The following SERINC5 variants were observed in gnomAD, a reference collection of about 807,000 sequenced individuals.
SERINC5 encodes serine incorporator 5, also known as chromosome 5 open reading frame 12.
In SERINC5, 41 loss-of-function variants were observed where a neutral mutation model predicts 63.1. The observed-to-expected ratio is 0.65, with a 90% CI of 0.51 to 0.84. The LOEUF (loss-of-function observed/expected upper bound fraction) is 0.84. SERINC5 is among the 40% of genes least tolerant of loss of function. The pLI, the probability that SERINC5 is intolerant of heterozygous loss-of-function variation, is 0.00. For synonymous variants in SERINC5, 222 were observed against 215.2 expected, an observed-to-expected ratio of 1.03 and a Z score of -0.28; for missense variants, 523 against 573.0, an observed-to-expected ratio of 0.91 and a Z score of 0.89.
Position 80,141,935 on chromosome 5 carries a change from C to T in SERINC5, c.*1728G>A, listed in dbSNP as rs1745533671. Reference sequence around the variant, plus strand: ...AATTCATCCCCTGTAATTTGTTTCCCCATGGGTTTTCTTGGGAGAAGGGCA... The same window carrying T: ...AATTCATCCCCTGTAATTTGTTTCCTCATGGGTTTTCTTGGGAGAAGGGCA... On this transcript the variant is annotated 3_prime_UTR_variant, in exon 12 of 12. Coordinates refer to ENST00000507668, the MANE Select transcript of SERINC5 (RefSeq NM_001174072.3). 1.0e-6 allele frequency: 1 copy of T among 985,162 alleles called. No individual in the cohort carries two copies. Among genetic ancestry groups the T allele is most frequent in the Non-Finnish European group, 1.2e-6 (1 of 829,910 alleles). 61.0% of individuals were successfully genotyped at this position (985,162 alleles called of 1,614,324 possible). A position where few individuals can be genotyped will look rare whatever the true frequency, so the allele number is the denominator to read the frequency against.
intron 1 of SERINC5, among the ~76,000 whole-genome samples, chr5:80,211,853 T>G (rs776704054): frequency 1.3e-5 from 2 of 152,184 alleles, no homozygotes; most frequent in Non-Finnish European, 2.9e-5. Flanking sequence ...TCATTCCACT[T>G]AGGAATGAAA....
At chr5:80,203,923 C>G (rs143807765) in intron 1 of SERINC5, among the ~76,000 whole-genome samples, 1 of 152,252 alleles carries the variant, frequency 6.6e-6, no homozygotes, top group Non-Finnish European at 1.5e-5. Flanking sequence ...GAAGACTGAG[C>G]TAATTACCAA....
At chr5:80,236,511 AG>A (rs555903504) in intron 1 of SERINC5, among the ~76,000 whole-genome samples, 2 of 151,976 alleles carry the variant, frequency 1.3e-5, no homozygotes, top group Non-Finnish European at 2.9e-5. Context: ...TACTTCAAGT[AG>A]CTTAAGTCCT....
intron 1 of SERINC5, among the ~76,000 whole-genome samples, chr5:80,214,560 CA>C: frequency 7.2e-6 from 1 of 138,456 alleles, no homozygotes; most frequent in African/African-American, 2.9e-5. Flanking sequence ...ATTAAAAAAA[CA>C]AAAAAAAAAC....
chr5:80,139,611 A>AGAGAG lies in SERINC5; in HGVS notation c.*4051_*4052insCTCTC. 1 of 984,890 alleles carries AGAGAG rather than the reference A, an allele frequency of 1.0e-6. No individual in the cohort carries two copies. Among genetic ancestry groups the AGAGAG allele is most frequent in the Non-Finnish European group, 1.2e-6 (1 of 829,676 alleles). The allele number at this position is 984,890 out of a possible 1,614,324, so 61.0% of individuals were successfully genotyped here. ...GAAAGAAGAAAAGAGAGAGAGAGAGAAAGGTCTAAACATCTGTGTGAACAG... is the reference window on the plus strand; with the variant it reads ...GAAAGAAGAAAAGAGAGAGAGAGAGAGAGAGAAGGTCTAAACATCTGTGTGAACAG... On this transcript the variant is annotated 3_prime_UTR_variant, in exon 12 of 12. Transcript: ENST00000507668.
Position 80,139,980 on chromosome 5 carries a change from G to A in SERINC5, c.*3683C>T, listed in dbSNP as rs55740328. On this transcript the variant is annotated 3_prime_UTR_variant, in exon 12 of 12. Coordinates refer to ENST00000507668, the MANE Select transcript of SERINC5 (RefSeq NM_001174072.3). ...AAATACAGGCTCTGGAATTTCCTTC[G>A]CAGGAAGGTGAAGCACCAATGATGG... The A allele has an allele frequency of 0.14, 134,770 of 985,042 alleles. 9,390 individuals carry two copies. Among genetic ancestry groups the A allele is most frequent in the South Asian group, 0.2 (4,256 of 21,262 alleles). 61.0% of individuals were successfully genotyped at this position (985,042 alleles called of 1,614,324 possible). A position where few individuals can be genotyped will look rare whatever the true frequency, so the allele number is the denominator to read the frequency against.
chr5:80,212,412 A>AC (rs1241570956), intron 1 of SERINC5, among the ~76,000 whole-genome samples: 6 of 152,242 alleles, frequency 3.9e-5, no homozygotes, highest in Non-Finnish European at 5.9e-5. Flanking sequence ...CCTTTCAGTA[A>AC]TACATAATAC....
Position 80,115,256 on chromosome 5 carries a change from G to C in SERINC5, c.1239-1631C>G, listed in dbSNP as rs1322201957. Among the ~76,000 whole-genome samples the C allele has an allele frequency of 3.3e-5, 5 of 151,982 alleles. 1 individual carries two copies. In the East Asian group the frequency reaches 9.6e-4, roughly 29 times the overall value. ...CCATCACTGCTAGGGTGAAACTGGG[G>C]GCACACGGTATAGCTCAAATGCACC... On this transcript the variant is annotated intron_variant, in intron 11 of 12. Coordinates refer to the SERINC5 transcript ENST00000509193.
At chr5:80,121,191 A>G (rs889207338) in intron 11 of SERINC5, among the ~76,000 whole-genome samples, 2 of 152,158 alleles carry the variant, frequency 1.3e-5, no homozygotes, top group Non-Finnish European at 2.9e-5. Context: ...CCAGCCAAGA[A>G]AGGAGTTTGT....
chr5:80,215,297 G>C (rs1561432616), intron 1 of SERINC5, among the ~76,000 whole-genome samples: 1 of 152,110 alleles, frequency 6.6e-6, no homozygotes, highest in Admixed American at 6.6e-5. Context: ...TCCTGCTCCT[G>C]CCATGTAAGA....
chr5:80,136,748 A>T (rs1306656989), downstream of SERINC5, among the ~76,000 whole-genome samples: 1 of 152,210 alleles, frequency 6.6e-6, no homozygotes, highest in African/African-American at 2.4e-5. Flanking sequence ...AAAACTGCTC[A>T]ATAGCAAGAA....
chr5:80,173,582 C>A (rs1292219718), intron 5 of SERINC5, among the ~76,000 whole-genome samples: 1 of 151,778 alleles, frequency 6.6e-6, no homozygotes, highest in South Asian at 2.1e-4. Context: ...GGCGACAGAA[C>A]GAGACTCTGT....
intron 2 of SERINC5, among the ~76,000 whole-genome samples, chr5:80,202,440 A>T (rs1014661872): frequency 1.3e-5 from 2 of 152,108 alleles, no homozygotes; most frequent in Non-Finnish European, 2.9e-5. Context: ...ATGATAGACA[A>T]TGGAGACTCA....
In SERINC5 at chr5:80,141,920, C is replaced by T. The variant is rs536026088; in HGVS notation, c.*1743G>A. The T allele has an allele frequency of 1.0e-6, 1 of 985,318 alleles. No homozygotes were observed. Among genetic ancestry groups the T allele is most frequent in the East Asian group, 1.1e-4 (1 of 8,800 alleles). The allele number at this position is 985,318 out of a possible 1,614,324, so 61.0% of individuals were successfully genotyped here. A position where few individuals can be genotyped will look rare whatever the true frequency, so the allele number is the denominator to read the frequency against. Reference sequence around the variant, plus strand: ...GGAAAGTTCTAAAGGAATTCATCCCCTGTAATTTGTTTCCCCATGGGTTTT... The same window carrying T: ...GGAAAGTTCTAAAGGAATTCATCCCTTGTAATTTGTTTCCCCATGGGTTTT... On this transcript the variant is annotated 3_prime_UTR_variant, in exon 12 of 12. Coordinates refer to ENST00000507668, the MANE Select transcript of SERINC5 (RefSeq NM_001174072.3).
chr5:80,233,054 T>C (rs1396391056), intron 1 of SERINC5, among the ~76,000 whole-genome samples: 1 of 152,158 alleles, frequency 6.6e-6, no homozygotes. Context: ...TCTGTAAATA[T>C]ACTATAAAAC....
intron 1 of SERINC5, 23 bp from the exon 2 acceptor site, chr5:80,203,076 C>T: frequency 6.3e-7 from 1 of 1,576,790 alleles, no homozygotes; most frequent in African/African-American, 1.4e-5. Flanking sequence ...CAGAAGGCAT[C>T]TGCTTAGAGC....
At chr5:80,227,803 A>G (rs181977394) in intron 1 of SERINC5, among the ~76,000 whole-genome samples, 1 of 152,186 alleles carries the variant, frequency 6.6e-6, no homozygotes, top group Admixed American at 6.5e-5. Context: ...GAGCCAAGAT[A>G]GTGCCACTGC....
At chr5:80,203,651 T>C (rs1490826022) in intron 1 of SERINC5, among the ~76,000 whole-genome samples, 1 of 152,176 alleles carries the variant, frequency 6.6e-6, no homozygotes. Context: ...TTGTGGTTTT[T>C]GCCATTACTC....
intron 11 of SERINC5, among the ~76,000 whole-genome samples, chr5:80,113,905 C>T (rs116783425): frequency 0.013 from 1,926 of 152,064 alleles, 46 homozygotes; most frequent in African/African-American, 0.044. Context: ...TGTGCCCCCC[C>T]ACCCATGCCT....
Sources: gnomAD v4.1 joint callset for allele counts (sites outside exome capture counted in the v4.1 genomes callset) on GRCh38, gnomAD v4.1.1 for gene constraint, MANE v1.5 for transcripts, NCBI Gene and HGNC (gene_info 2026-07-23, HGNC 2026-07-21) for gene names.